The following RCC1 variants were observed in gnomAD, a reference collection of about 807,000 sequenced individuals.
RCC1 encodes regulator of chromosome condensation.
RCC1 carries 11 observed loss-of-function variants against 44.4 expected under a neutral mutation model. The ratio of observed to expected loss-of-function variants is 0.25; its 90% CI spans 0.16 to 0.41. The LOEUF (loss-of-function observed/expected upper bound fraction) is 0.41, where lower values mean the gene tolerates loss of function less well. Among genes scored for constraint, RCC1 ranks in the 10% least tolerant of loss-of-function variants. The pLI, the probability that RCC1 is intolerant of heterozygous loss-of-function variation, is 1.00. For synonymous variants in RCC1, 213 were observed against 216.5 expected, an observed-to-expected ratio of 0.98 and a Z score of 0.14; for missense variants, 386 against 547.1, an observed-to-expected ratio of 0.71 and a Z score of 2.94.
At chr1:28,527,342 C>T in intron 4 of RCC1, 1 of 503,780 alleles carries the variant, frequency 2.0e-6, no homozygotes, top group South Asian at 2.0e-5. Flanking sequence ...CAGGCTCACG[C>T]CATCCTCCCA....
rs780583850 is a variant in RCC1, at chr1:28,538,022, G to C, written c.*15G>C. ...AACAGAGCTGATGAAGCCTCTGAGG[G>C]CCTGGCTTCTGTCCTGCACAACCTC... On this transcript the variant is annotated 3_prime_UTR_variant, in exon 13 of 13. Transcript: ENST00000683442. 2 of 1,609,130 alleles carry C rather than the reference G, an allele frequency of 1.2e-6. No individual in the cohort carries two copies.
chr1:28,513,096 TCTCA>T (rs748846886), intron 3 of RCC1, among the ~76,000 whole-genome samples: 2 of 148,566 alleles, frequency 1.3e-5, no homozygotes, highest in Admixed American at 6.7e-5. Context: ...TAGACAAGAG[TCTCA>T]CTCTGTTGCC....
At position 28,535,912 on chromosome 1, in the gene RCC1, G is replaced by A. The variant is rs1664521720; in HGVS notation, c.703G>A (p.Gly235Arg). Residue 235 changes from glycine to arginine, a missense_variant, in exon 10 of 13, where the codon GGA becomes AGA. Gly to Arg is a moderately radical substitution (Grantham distance 125, BLOSUM62 -2). Coordinates refer to ENST00000683442, the MANE Select transcript of RCC1 (RefSeq NM_001381865.2). ...CAAGTGTGTGATGCTGAAATCCAGG[G>A]GAAGCCGGGGCCACGTGAGATTCCA... Reference protein sequence around the residue: ...VPKCVMLKSRGSRGHVRFQDA... With the variant: ...VPKCVMLKSRRSRGHVRFQDA... 4.3e-6 allele frequency: 7 copies of A among 1,614,018 alleles called. No individual in the cohort carries two copies. Among genetic ancestry groups the A allele is most frequent in the Non-Finnish European group, 5.9e-6 (7 of 1,179,964 alleles).
chr1:28,526,733 TA>T (rs1663687969), intron 4 of RCC1: 3 of 524,714 alleles, frequency 5.7e-6, no homozygotes. Flanking sequence ...CCATCTCTAC[TA>T]AAAATACAAA....
At chr1:28,521,455 C>G (rs926897398) in intron 4 of RCC1, among the ~76,000 whole-genome samples, 2 of 149,254 alleles carry the variant, frequency 1.3e-5, no homozygotes, top group South Asian at 2.1e-4. Flanking sequence ...GAGCCGATAT[C>G]GCGCCATTGC....
At chr1:28,524,621 T>G (rs561845003) in intron 4 of RCC1, among the ~76,000 whole-genome samples, 1 of 151,690 alleles carries the variant, frequency 6.6e-6, no homozygotes, top group South Asian at 2.1e-4. Flanking sequence ...ACTTTGGGAG[T>G]CCAAGGCTAG....
At chr1:28,514,470 A>C (rs1440304426) in intron 3 of RCC1, among the ~76,000 whole-genome samples, 2 of 145,648 alleles carry the variant, frequency 1.4e-5, no homozygotes, top group Admixed American at 6.8e-5. Context: ...CAAAAAAAAA[A>C]CCTTCTGGCG....
At chr1:28,520,559 C>T (rs1286741882) in intron 4 of RCC1, among the ~76,000 whole-genome samples, 2 of 152,166 alleles carry the variant, frequency 1.3e-5, no homozygotes, top group African/African-American at 4.8e-5. Context: ...AGCTGTAAAA[C>T]TGGGATGAGT....
chr1:28,526,334 A>G (rs1356229591), intron 4 of RCC1: 1 of 327,790 alleles, frequency 3.1e-6, no homozygotes, highest in Non-Finnish European at 5.9e-6. Flanking sequence ...TGATGACTCC[A>G]TTGGGGTCAA....
In RCC1 at chr1:28,535,958, A is replaced by G. The variant is rs114294542; in HGVS notation, c.749A>G (p.Tyr250Cys). 77 of 1,613,910 alleles carry G rather than the reference A, an allele frequency of 4.8e-5. No homozygotes were observed. Among genetic ancestry groups the G allele is most frequent in the Middle Eastern group, 1.6e-4 (1 of 6,062 alleles). ...VRFQDAFCGA[Y>C]FTFAISHEGH... Reference sequence around the variant, plus strand: ...TTCCAGGATGCCTTTTGTGGTGCCTATTTCACCTTTGCCATCTCCCATGAG... The same window carrying G: ...TTCCAGGATGCCTTTTGTGGTGCCTGTTTCACCTTTGCCATCTCCCATGAG... Residue 250 changes from tyrosine (Y) to cysteine (C), a missense_variant, in exon 10 of 13, where the codon TAT becomes TGT. Tyr to Cys is a radical substitution (Grantham distance 194). Coordinates refer to ENST00000683442, the MANE Select transcript of RCC1 (RefSeq NM_001381865.2).
intron 4 of RCC1, among the ~76,000 whole-genome samples, chr1:28,521,297 C>A (rs760037379): frequency 6.6e-6 from 1 of 151,756 alleles, no homozygotes; most frequent in Non-Finnish European, 1.5e-5. Context: ...GTCAGGAGAT[C>A]GAGACCATCC....
At chr1:28,508,510 T>G (rs1438529642) in intron 2 of RCC1, 5 of 486,864 alleles carry the variant, frequency 1.0e-5, no homozygotes, top group African/African-American at 2.0e-5. Flanking sequence ...TGTGGGTGAT[T>G]AGCAATATTG....
chr1:28,534,295 C>G (rs77145319), intron 7 of RCC1, among the ~76,000 whole-genome samples: 12,487 of 152,214 alleles, frequency 0.082, 1,026 homozygotes, highest in African/African-American at 0.22. Flanking sequence ...ATTCTCCTGC[C>G]TCTGTCTCCC....
intron 4 of RCC1, chr1:28,518,223 G>T (rs1266118472): frequency 6.6e-6 from 1 of 152,198 alleles, no homozygotes; most frequent in Admixed American, 6.5e-5. Flanking sequence ...CCGGGTCGGG[G>T]CCAGAGGCCT....
intron 7 of RCC1, among the ~76,000 whole-genome samples, chr1:28,533,978 A>G (rs1034089294): frequency 3.5e-5 from 5 of 143,658 alleles, no homozygotes; most frequent in African/African-American, 1.3e-4. Context: ...CTCGGGCTCA[A>G]GCAATTCTCC....
rs780270381 is a variant in RCC1 at position 28,536,707 on chromosome 1, C to T, written c.938-40C>T. The T allele has an allele frequency of 3.2e-5, 52 of 1,605,222 alleles. No homozygotes were observed. The highest frequency in any genetic ancestry group is 1.7e-4 in the Middle Eastern group (1 of 6,004). The stretch of plus-strand genomic sequence containing the variant: ...CCTGCCACCCATTTTGCCTGTAGCA[C>T]GCCCTCTGCTATTGCTCATCTCTCT... On this transcript the variant is annotated intron_variant, in intron 11 of 12. Transcript: ENST00000683442. The surrounding 1 kb of genome is among the most constrained non-coding windows in gnomAD (Gnocchi z 4.9).
chr1:28,509,571 T>C (rs545442803), intron 3 of RCC1: 1 of 152,406 alleles, frequency 6.6e-6, no homozygotes, highest in Admixed American at 6.5e-5. Flanking sequence ...ATTTGTAATT[T>C]ACCTAACAAA....
chr1:28,514,156 CAA>C (rs1158044888), intron 3 of RCC1, among the ~76,000 whole-genome samples: 5 of 134,920 alleles, frequency 3.7e-5, no homozygotes, highest in Admixed American at 7.6e-5. Context: ...GACTCCGTCT[CAA>C]AAAAAAAAAA....
At chr1:28,530,166 A>C (rs1469970706) in intron 5 of RCC1, among the ~76,000 whole-genome samples, 6 of 151,910 alleles carry the variant, frequency 3.9e-5, no homozygotes, top group Admixed American at 6.6e-5. Context: ...ACAAAAAAAA[A>C]AAAAAAAAAA....
Sources: gnomAD v4.1 joint callset for allele counts (sites outside exome capture counted in the v4.1 genomes callset) on GRCh38, gnomAD v4.1.1 for gene constraint, Gnocchi (gnomAD v3.1) non-coding constraint, MANE v1.5 for transcripts, NCBI Gene and HGNC (gene_info 2026-07-23, HGNC 2026-07-21) for gene names.